Variants in PCDHGA8 observed in about 807,000 individuals in gnomAD.
PCDHGA8 encodes the protein protocadherin gamma subfamily A, 8, also known as protocadherin gamma-A8.
PCDHGA8 carries 45 observed loss-of-function variants against 59.2 expected under a neutral mutation model. The observed-to-expected ratio is 0.76, with a 90% CI of 0.60 to 0.98. The LOEUF is 0.98. PCDHGA8 is among the 50% of genes least tolerant of loss of function. PCDHGA8 has a pLI of 0.00. For missense variants in PCDHGA8, 1,257 were observed against 1,196.2 expected, an observed-to-expected ratio of 1.05 and a Z score of -0.75; for synonymous variants, 531 against 519.0, an observed-to-expected ratio of 1.02 and a Z score of -0.32.
At chr5:141,464,995 G>A (rs1330469198) in intron 1 of PCDHGA8, among the ~76,000 whole-genome samples, 1 of 151,962 alleles carries the variant, frequency 6.6e-6, no homozygotes, top group East Asian at 1.9e-4. Context: ...TCCCACCTCA[G>A]CCTCCCAAAG....
intron 1 of PCDHGA8, among the ~76,000 whole-genome samples, chr5:141,458,758 G>T (rs1473104567): frequency 1.3e-5 from 2 of 150,844 alleles, no homozygotes; most frequent in Non-Finnish European, 3.0e-5. Context: ...TTTGAGACAG[G>T]GTCTTGCTGT....
chr5:141,418,372 A>T (rs771262387), intron 1 of PCDHGA8: 25 of 1,613,968 alleles, frequency 1.5e-5, no homozygotes, highest in Non-Finnish European at 2.1e-5. Flanking sequence ...GCAAATACCA[A>T]CTAAGTCCTA....
At position 141,490,208 on chromosome 5, in the gene PCDHGA8, G is replaced by A. The variant is rs745796427; in HGVS notation, c.2425-4599G>A. On this transcript the variant is annotated intron_variant, in intron 1 of 3. Coordinates refer to ENST00000398604, the MANE Select transcript of PCDHGA8 (RefSeq NM_032088.2). The surrounding 1 kb of genome is among the most constrained non-coding windows in gnomAD (Gnocchi z 5.4). ...TTCTATGAAATTCATGCAAGAGCCC[G>A]TGACCAGGGACAGCCTGCCATGGAG... 44 of 1,614,120 alleles carry A rather than the reference G, an allele frequency of 2.7e-5. No individual in the cohort carries two copies. The Admixed American group carries it at 4.5e-4, about 17-fold the overall frequency.
chr5:141,415,744 T>TG (rs2095925177), intron 1 of PCDHGA8: 4 of 404,428 alleles, frequency 9.9e-6, no homozygotes, highest in Admixed American at 2.1e-4. Flanking sequence ...ATTAAGGTTT[T>TG]TTTTTTTTTT....
chr5:141,437,165 T>A (rs62379162), intron 1 of PCDHGA8, among the ~76,000 whole-genome samples: 3,747 of 152,330 alleles, frequency 0.025, 69 homozygotes, highest in Middle Eastern at 0.085. Context: ...TGTTGATTGT[T>A]TTCTGAGACT....
intron 1 of PCDHGA8, chr5:141,400,304 G>A (rs760976345): frequency 4.3e-6 from 7 of 1,613,930 alleles, no homozygotes; most frequent in African/African-American, 1.3e-5. Context: ...TTCCAACCTG[G>A]TCTCTGTGTC....
At position 141,431,421 on chromosome 5, in the gene PCDHGA8, T is replaced by A. The variant is rs2097372202; in HGVS notation, c.2424+36184T>A. On this transcript the variant is annotated intron_variant, in intron 1 of 3. Transcript: ENST00000398604. The surrounding 1 kb of genome is among the most constrained non-coding windows in gnomAD (Gnocchi z 4.8). The stretch of plus-strand genomic sequence containing the variant: ...ACGGCCTCCGACGGGGGCGACCCGG[T>A]GCGCACAGGCACCGCGCGCATCCGC... 1 of 1,613,580 alleles carries A rather than the reference T, an allele frequency of 6.2e-7. No individual in the cohort carries two copies. The highest frequency in any genetic ancestry group is 1.1e-5 in the South Asian group (1 of 91,082).
At chr5:141,399,450 C>T in intron 1 of PCDHGA8, 3 of 1,614,018 alleles carry the variant, frequency 1.9e-6, no homozygotes, top group Non-Finnish European at 1.7e-6. Context: ...TCAGAGACGT[C>T]AACGATAACG....
intron 3 of PCDHGA8, chr5:141,506,988 A>G (rs1364718512): frequency 1.3e-5 from 2 of 152,192 alleles, no homozygotes; most frequent in Non-Finnish European, 2.9e-5. Context: ...CTGATTTCTC[A>G]CACTCGACAG....
chr5:141,428,115 G>A (rs753384738), intron 1 of PCDHGA8: 2 of 1,607,178 alleles, frequency 1.2e-6, no homozygotes, highest in Non-Finnish European at 8.5e-7. Flanking sequence ...GCAGGCCATC[G>A]AGCCCGGGCT....
At chr5:141,510,169 A>G (rs927072830) in intron 3 of PCDHGA8, among the ~76,000 whole-genome samples, 7 of 151,230 alleles carry the variant, frequency 4.6e-5, no homozygotes, top group Non-Finnish European at 1.0e-4. Context: ...GCTACTCAGG[A>G]GGTTGAGGCA....
intron 1 of PCDHGA8, chr5:141,428,113 T>G: frequency 3.7e-6 from 6 of 1,607,492 alleles, no homozygotes; most frequent in Non-Finnish European, 5.1e-6. Context: ...CTGCAGGCCA[T>G]CGAGCCCGGG....
At chr5:141,433,361 A>G (rs1208326325) in intron 1 of PCDHGA8, 15 of 297,508 alleles carry the variant, frequency 5.0e-5, no homozygotes, top group Non-Finnish European at 7.0e-5. Context: ...CTGTCTGCCT[A>G]TCTATCTATC....
chr5:141,428,307 C>A, intron 1 of PCDHGA8: 1 of 688,030 alleles, frequency 1.5e-6, no homozygotes, highest in South Asian at 1.6e-5. Flanking sequence ...TTTACCTGGT[C>A]GTGGCCTTGG....
rs1467261705 is a variant in PCDHGA8, at chr5:141,417,640, C to G, written c.2424+22403C>G. 6.6e-6 allele frequency: 5 copies of G among 761,360 alleles called. No homozygotes were observed. The African/African-American group carries it at 8.8e-5, about 13-fold the overall frequency. 47.2% of individuals were successfully genotyped at this position (761,360 alleles called of 1,614,324 possible). A position where few individuals can be genotyped will look rare whatever the true frequency, so the allele number is the denominator to read the frequency against. On this transcript the variant is annotated intron_variant, in intron 1 of 3. Coordinates refer to ENST00000398604, the MANE Select transcript of PCDHGA8 (RefSeq NM_032088.2). ...AGAGCAAGCGCTGACGCCGGGGATC[C>G]CTCAGCCTCTAGCCTGGGATTCCCT...
chr5:141,441,739 C>T, intron 1 of PCDHGA8: 1 of 365,272 alleles, frequency 2.7e-6, no homozygotes, highest in South Asian at 2.2e-5. Context: ...GACTAGCTCG[C>T]GCTCGGCGTC....
At chr5:141,464,218 T>C (rs1464478430) in intron 1 of PCDHGA8, among the ~76,000 whole-genome samples, 1 of 150,958 alleles carries the variant, frequency 6.6e-6, no homozygotes, top group Non-Finnish European at 1.5e-5. Flanking sequence ...TGAGCTGAGA[T>C]TGCGCCACTG....
chr5:141,394,435 C>G lies in PCDHGA8; in HGVS notation c.1622C>G (p.Pro541Arg), dbSNP rs1473725556. ...ACAGCCAGCGACAGCGGGGACCCGC[C>G]CCTCAGCAGCAACATGTCACTGAGC... ...LVTASDSGDP[P>R]LSSNMSLSLF... Residue 541 changes from proline (P) to arginine (R), a missense_variant, in exon 1 of 4, where the codon CCC (proline) becomes CGC (arginine). Coordinates refer to ENST00000398604, the MANE Select transcript of PCDHGA8 (RefSeq NM_032088.2). 6.2e-7 allele frequency: 1 copy of G among 1,614,246 alleles called. No homozygotes were observed. Among genetic ancestry groups the G allele is most frequent in the Non-Finnish European group, 8.5e-7 (1 of 1,180,052 alleles).
At chr5:141,430,076 T>C (rs2097260023) in intron 1 of PCDHGA8, among the ~76,000 whole-genome samples, 1 of 152,208 alleles carries the variant, frequency 6.6e-6, no homozygotes, top group South Asian at 2.1e-4. Context: ...GTTTCCATAA[T>C]ATCATGAAAA....
Sources: allele counts gnomAD v4.1 joint callset (sites outside exome capture counted in the v4.1 genomes callset), GRCh38; gene constraint gnomAD v4.1.1; non-coding constraint Gnocchi (gnomAD v3.1); transcripts MANE v1.5; gene names NCBI Gene and HGNC (gene_info 2026-07-23, HGNC 2026-07-21).